Variants in GPX6 observed in about 807,000 individuals in gnomAD.
The protein encoded by GPX6 is glutathione peroxidase 6 (olfactory).
Under a neutral mutation model 20.0 loss-of-function variants are expected in GPX6, and 21 were observed. The ratio of observed to expected loss-of-function variants is 1.05; its 90% CI spans 0.74 to 1.51. The LOEUF (loss-of-function observed/expected upper bound fraction) is 1.51, where lower values mean the gene tolerates loss of function less well. GPX6 is among the 40% of genes most tolerant of loss of function. GPX6 has a pLI of 0.00. For synonymous variants in GPX6, 75 were observed against 98.0 expected, an observed-to-expected ratio of 0.77 and a Z score of 1.38; for missense variants, 233 against 254.7, an observed-to-expected ratio of 0.91 and a Z score of 0.58.
intron 1 of GPX6, among the ~76,000 whole-genome samples, chr6:28,512,477 G>A (rs1425506220): frequency 5.3e-5 from 8 of 152,140 alleles, no homozygotes; most frequent in Non-Finnish European, 1.2e-4. Flanking sequence ...TAGTGGGGAA[G>A]TGGAGCACTT....
Position 28,504,324 on chromosome 6 carries a change from G to A in GPX6, c.634C>T (p.Leu212=). 6.2e-7 allele frequency: 1 copy of A among 1,614,156 alleles called. No homozygotes were observed. Among genetic ancestry groups the A allele is most frequent in the East Asian group, 2.2e-5 (1 of 44,876 alleles). The part of the protein sequence containing the change: ...APVSTVKSDI[L]EYLKQFNTH ...GTATTGAACTGCTTTAGGTACTCCA[G>A]GATGTCTGACTTGACTGTGCTGACT... Residue 212 remains leucine, a synonymous_variant, in exon 5 of 5, where the codon CTG becomes TTG. Coordinates refer to ENST00000361902, the MANE Select transcript of GPX6 (RefSeq NM_182701.1).
chr6:28,504,936 C>G (rs887209132), intron 4 of GPX6, among the ~76,000 whole-genome samples: 1 of 152,050 alleles, frequency 6.6e-6, no homozygotes, highest in Non-Finnish European at 1.5e-5. Context: ...TAACTATTTC[C>G]TTGGATATTA....
rs1324629101 is a variant in GPX6, at chr6:28,504,322, C to T, written c.636G>A (p.Leu212=). 1.3e-5 allele frequency: 21 copies of T among 1,613,978 alleles called. No individual in the cohort carries two copies. Among genetic ancestry groups the T allele is most frequent in the Admixed American group, 5.0e-5 (3 of 59,992 alleles). The change falls in exon 5 of 5, where the codon CTG becomes CTA. Residue 212 remains leucine (L), a synonymous_variant. Transcript: ENST00000361902. ...APVSTVKSDI[L]EYLKQFNTH ...GGGTATTGAACTGCTTTAGGTACTCCAGGATGTCTGACTTGACTGTGCTGA... is the reference window on the plus strand; with the variant it reads ...GGGTATTGAACTGCTTTAGGTACTCTAGGATGTCTGACTTGACTGTGCTGA...
chr6:28,513,672 A>G (rs1374835074), intron 1 of GPX6, among the ~76,000 whole-genome samples: 2 of 151,632 alleles, frequency 1.3e-5, no homozygotes, highest in Non-Finnish European at 2.9e-5. Flanking sequence ...CAGAACCTGG[A>G]ACAAAAGGCT....
intron 2 of GPX6, among the ~76,000 whole-genome samples, chr6:28,507,475 CT>C (rs1317912944): frequency 6.6e-6 from 1 of 152,168 alleles, no homozygotes; most frequent in Non-Finnish European, 1.5e-5. Flanking sequence ...GAATGAGGTG[CT>C]CTTTAAAATT....
chr6:28,515,564 C>T (rs563628214), intron 1 of GPX6, 93 bp downstream of exon 1: 20 of 882,842 alleles, frequency 2.3e-5, no homozygotes, highest in Middle Eastern at 3.0e-4. Context: ...TCTTGTCCTT[C>T]GAAAGGGGAG....
chr6:28,513,524 C>T (rs769081334), intron 1 of GPX6, among the ~76,000 whole-genome samples: 3 of 152,140 alleles, frequency 2.0e-5, no homozygotes, highest in Non-Finnish European at 2.9e-5. Context: ...TTCGCTGGTA[C>T]CTTGAAAACT....
chr6:28,512,645 C>A (rs868177295), intron 1 of GPX6, among the ~76,000 whole-genome samples: 1 of 152,184 alleles, frequency 6.6e-6, no homozygotes, highest in Non-Finnish European at 1.5e-5. Context: ...CCCGTGGGTC[C>A]CCTTCCACAC....
intron 1 of GPX6, among the ~76,000 whole-genome samples, chr6:28,512,531 G>T (rs770396532): frequency 1.3e-5 from 2 of 152,184 alleles, no homozygotes; most frequent in Non-Finnish European, 2.9e-5. Flanking sequence ...TCCGCACCCT[G>T]TCAAAACAGA....
chr6:28,507,437 C>T (rs1762817675), intron 2 of GPX6, among the ~76,000 whole-genome samples: 3 of 152,214 alleles, frequency 2.0e-5, no homozygotes. Context: ...CTTTAATTCT[C>T]TCAATTTTCT....
At chr6:28,508,593 G>A (rs186358293) in intron 2 of GPX6, among the ~76,000 whole-genome samples, 2 of 152,022 alleles carry the variant, frequency 1.3e-5, no homozygotes, top group African/African-American at 4.8e-5. Flanking sequence ...ATCACTTGAG[G>A]CCAGGAGTTC....
intron 1 of GPX6, among the ~76,000 whole-genome samples, chr6:28,513,391 A>T (rs867754808): frequency 6.6e-6 from 1 of 152,180 alleles, no homozygotes; most frequent in South Asian, 2.1e-4. Context: ...TTGGAGCTCC[A>T]CAATCTGCTA....
chr6:28,512,118 C>T (rs1762890305), intron 1 of GPX6, among the ~76,000 whole-genome samples: 1 of 152,212 alleles, frequency 6.6e-6, no homozygotes, highest in African/African-American at 2.4e-5. Context: ...ACGAGCACCG[C>T]CCCCTGCTCC....
chr6:28,512,617 G>A (rs1355154025), intron 1 of GPX6, among the ~76,000 whole-genome samples: 1 of 152,188 alleles, frequency 6.6e-6, no homozygotes, highest in Non-Finnish European at 1.5e-5. Flanking sequence ...GCGGCTGCCG[G>A]AGCCAGCAGT....
rs538497475 is a variant in GPX6 at position 28,513,206 on chromosome 6, T to C, written c.88-2302A>G. On this transcript the variant is annotated intron_variant, in intron 1 of 4. Transcript: ENST00000361902. Reference sequence around the variant, plus strand: ...ATGCCCACGTGTGATCCGATTCTTCTCGTAAACCAAGGCAAGATCCCTGGG... The same window carrying C: ...ATGCCCACGTGTGATCCGATTCTTCCCGTAAACCAAGGCAAGATCCCTGGG... 2.0e-5 allele frequency among the ~76,000 whole-genome samples: 3 copies of C among 152,298 alleles called. No homozygotes were observed. In the East Asian group the frequency reaches 5.8e-4, roughly 29 times the overall value.
Position 28,504,288 on chromosome 6 carries a change from C to T in GPX6, c.*4G>A. On this transcript the variant is annotated 3_prime_UTR_variant, in exon 5 of 5. Transcript: ENST00000361902. ...TAGTTATTTCTGTCAGTCGCTAGCC[C>T]TTCCTAGTGGGTATTGAACTGCTTT... 6.2e-7 allele frequency: 1 copy of T among 1,613,226 alleles called. No homozygotes were observed. Among genetic ancestry groups the T allele is most frequent in the Non-Finnish European group, 8.5e-7 (1 of 1,179,266 alleles).
intron 2 of GPX6, among the ~76,000 whole-genome samples, chr6:28,509,334 AC>A (rs1762837609): frequency 6.6e-6 from 1 of 151,284 alleles, no homozygotes; most frequent in African/African-American, 2.4e-5. Flanking sequence ...AGCCTGGCCA[AC>A]ATGGCAAAAC....
intron 1 of GPX6, among the ~76,000 whole-genome samples, chr6:28,514,575 C>CA (rs150273203): frequency 0.01 from 1,571 of 152,298 alleles, 9 homozygotes; most frequent in Non-Finnish European, 0.017. Context: ...AATCCAGTAA[C>CA]AGAGATTAAA....
At chr6:28,514,991 G>T (rs1319188786) in intron 1 of GPX6, among the ~76,000 whole-genome samples, 2 of 152,146 alleles carry the variant, frequency 1.3e-5, no homozygotes. Flanking sequence ...TTTCTAAATG[G>T]CATCAGGAGA....
Sources: gnomAD v4.1 joint callset for allele counts (sites outside exome capture counted in the v4.1 genomes callset) on GRCh38, gnomAD v4.1.1 for gene constraint, MANE v1.5 for transcripts, NCBI Gene and HGNC (gene_info 2026-07-23, HGNC 2026-07-21) for gene names.